ANGPT4: variants seen among roughly 807,000 people sequenced by gnomAD.
ANGPT4 encodes angiopoietin 4, also known as angiopoietin-4.
In ANGPT4, 50 loss-of-function variants were observed where a neutral mutation model predicts 53.0. The observed-to-expected ratio is 0.94, with a 90% CI of 0.75 to 1.20. ANGPT4 has a LOEUF of 1.20. ANGPT4 is among the 50% of genes most tolerant of loss of function. The probability of loss-of-function intolerance (pLI) is 0.00; values close to 1 mark genes in which losing one functional copy is unlikely to be tolerated. For synonymous variants in ANGPT4, 251 were observed against 259.7 expected (o/e 0.97, Z 0.32); for missense variants, 648 against 637.1 (o/e 1.02, Z -0.18).
intron 7 of ANGPT4, among the ~76,000 whole-genome samples, chr20:875,046 T>C (rs144616016): frequency 0.016 from 2,453 of 152,104 alleles, 43 homozygotes; most frequent in African/African-American, 0.04. Flanking sequence ...CTTTTTTTTC[T>C]ATTCTTTGCA....
chr20:902,133 G>A (rs530000196), intron 1 of ANGPT4, among the ~76,000 whole-genome samples: 5 of 152,136 alleles, frequency 3.3e-5, no homozygotes, highest in South Asian at 4.2e-4. Flanking sequence ...TCAGGGGAGG[G>A]GGTTTCAATA....
rs569911339 is a variant in ANGPT4, at chr20:914,561, G to A, written c.309+1345C>T. On this transcript the variant is annotated intron_variant, in intron 1 of 8. Transcript: ENST00000381922. The surrounding 1 kb of genome is among the most constrained non-coding windows in gnomAD (Gnocchi z 5.0). ...GGGCCGAGTGTTAGCAGGGAGCCAG[G>A]GGGGCAGCCAGGACAGCTATCCTGC... Among the ~76,000 whole-genome samples the A allele has an allele frequency of 6.6e-6, 1 of 152,050 alleles. No homozygotes were observed. The highest frequency in any genetic ancestry group is 2.4e-5 in the African/African-American group (1 of 41,364).
At position 891,869 on chromosome 20, in the gene ANGPT4, C is replaced by T. The variant is rs111406790; in HGVS notation, c.310-1501G>A. On this transcript the variant is annotated intron_variant, in intron 1 of 8. Coordinates refer to ENST00000381922, the MANE Select transcript of ANGPT4 (RefSeq NM_015985.4). ...TGTGTTTCTCCAAGTGTGGTTCTTC[C>T]GTCAGCATCAGCTGAGCTCATTAAA... Among the ~76,000 whole-genome samples the T allele has an allele frequency of 3.9e-3, 599 of 152,248 alleles. 5 individuals carry two copies. The highest frequency in any genetic ancestry group is 0.014 in the African/African-American group (561 of 41,546).
intron 7 of ANGPT4, among the ~76,000 whole-genome samples, chr20:875,475 T>G (rs1981128829): frequency 6.6e-6 from 1 of 152,176 alleles, no homozygotes; most frequent in South Asian, 2.1e-4. Flanking sequence ...TGCCTGGTGA[T>G]GAAGACCATG....
At chr20:879,919 A>T in intron 5 of ANGPT4, 71 bp from the exon 6 acceptor site, 1 of 1,180,348 alleles carries the variant, frequency 8.5e-7, no homozygotes. Context: ...TGCTAGCCCA[A>T]ATGTGGCTAA....
chr20:907,517 G>A, intron 1 of ANGPT4, among the ~76,000 whole-genome samples: 1 of 152,198 alleles, frequency 6.6e-6, no homozygotes, highest in East Asian at 1.9e-4. Flanking sequence ...ACAGAATGGA[G>A]AGGTGTGTCC....
intron 8 of ANGPT4, 146 bp downstream of exon 8, chr20:874,138 C>T: frequency 8.2e-7 from 1 of 1,224,086 alleles, no homozygotes; most frequent in East Asian, 2.5e-5. Flanking sequence ...AGGGGCACAG[C>T]CAGGTGAGCT....
At chr20:881,524 T>C (rs6118055) in intron 4 of ANGPT4, among the ~76,000 whole-genome samples, 40,675 of 151,908 alleles carry the variant, frequency 0.27, 7,191 homozygotes, top group African/African-American at 0.5. Context: ...AAACAGCATA[T>C]GCAAAGGCCC....
rs768522211 is a variant in ANGPT4, at chr20:881,342, G to A, written c.836-56C>T. On this transcript the variant is annotated intron_variant, in intron 4 of 8. Coordinates refer to ENST00000381922, the MANE Select transcript of ANGPT4 (RefSeq NM_015985.4). ...AGGTGGGCAAGGAAAGAGAGAAGGG[G>A]CCAAGTGGGCATGCCTGCCTGCTTT... The A allele has an allele frequency of 1.0e-4, 155 of 1,507,112 alleles. 2 individuals are homozygous for A. Among genetic ancestry groups the A allele is most frequent in the Middle Eastern group, 1.0e-3 (6 of 5,906 alleles). 93.4% of individuals were successfully genotyped at this position (1,507,112 alleles called of 1,614,324 possible). A position where few individuals can be genotyped will look rare whatever the true frequency, so the allele number is the denominator to read the frequency against.
intron 1 of ANGPT4, among the ~76,000 whole-genome samples, chr20:915,299 C>T (rs1341499617): frequency 6.6e-6 from 1 of 151,766 alleles, no homozygotes; most frequent in East Asian, 2.0e-4. Context: ...CTCTCCTCTG[C>T]TCCAGCTACA....
At chr20:910,949 C>G (rs542795958) in intron 1 of ANGPT4, among the ~76,000 whole-genome samples, 1 of 152,234 alleles carries the variant, frequency 6.6e-6, no homozygotes, top group African/African-American at 2.4e-5. Flanking sequence ...GCTGTTTCCC[C>G]CATCCCCCAG....
chr20:875,270 A>C (rs1981120378), intron 7 of ANGPT4, among the ~76,000 whole-genome samples: 1 of 152,110 alleles, frequency 6.6e-6, no homozygotes, highest in African/African-American at 2.4e-5. Context: ...GCTGATGATG[A>C]TCTGGCAACC....
chr20:878,412 A>G (rs1263733651), intron 6 of ANGPT4, 85 bp from the exon 7 acceptor site: 3 of 1,360,144 alleles, frequency 2.2e-6, no homozygotes, highest in African/African-American at 2.9e-5. Context: ...GCCAGGCTCC[A>G]GGGCTACTTA....
intron 1 of ANGPT4, among the ~76,000 whole-genome samples, chr20:900,567 G>A (rs759660199): frequency 5.9e-5 from 9 of 152,140 alleles, no homozygotes; most frequent in Non-Finnish European, 1.0e-4. Context: ...AAATGAGACC[G>A]AAGAGTTCCC....
At chr20:887,385 A>G (rs979913626) in intron 3 of ANGPT4, among the ~76,000 whole-genome samples, 3 of 152,220 alleles carry the variant, frequency 2.0e-5, no homozygotes, top group African/African-American at 7.2e-5. Context: ...TGGGAGAATA[A>G]GAAGATGGGC....
At chr20:902,561 G>A (rs1453837220) in intron 1 of ANGPT4, among the ~76,000 whole-genome samples, 1 of 152,108 alleles carries the variant, frequency 6.6e-6, no homozygotes, top group Admixed American at 6.5e-5. Flanking sequence ...GAAGGTACTT[G>A]ACCCACCACT....
rs1981254128 is a variant in ANGPT4, at chr20:878,306, C to T, written c.1075G>A (p.Glu359Lys). Residue 359 changes from glutamate to lysine, a missense_variant, in exon 7 of 9, where the codon GAG becomes AAG. Coordinates refer to ENST00000381922, the MANE Select transcript of ANGPT4 (RefSeq NM_015985.4). ...YKQGFGDPAG[E>K]HWLGNEVVHQ... ...ACCACTTCATTGCCCAGCCAGTGCTCCCCAGCTGGGTCTCCGAAGCCCTAT... is the reference window on the plus strand; with the variant it reads ...ACCACTTCATTGCCCAGCCAGTGCTTCCCAGCTGGGTCTCCGAAGCCCTAT... 4.4e-6 allele frequency: 7 copies of T among 1,606,962 alleles called. No homozygotes were observed. Among genetic ancestry groups the T allele is most frequent in the Non-Finnish European group, 5.1e-6 (6 of 1,174,196 alleles).
chr20:890,256 T>G lies in ANGPT4; in HGVS notation c.422A>C (p.Gln141Pro). 2 of 1,614,024 alleles carry G rather than the reference T, an allele frequency of 1.2e-6. No individual in the cohort carries two copies. The highest frequency in any genetic ancestry group is 1.7e-6 in the Non-Finnish European group (2 of 1,179,984). Residue 141 changes from glutamine (Q) to proline (P), a missense_variant, in exon 2 of 9, where the codon CAG becomes CCG. By Grantham distance (76) the Gln-to-Pro change is moderately conservative. Coordinates refer to ENST00000381922, the MANE Select transcript of ANGPT4 (RefSeq NM_015985.4). Reference protein sequence around the residue: ...MLELGTSLLNQTTAQIRKLTD... With the variant: ...MLELGTSLLNPTTAQIRKLTD... ...CAGCTTGCGGATCTGGGCAGTGGTC[T>G]GGTTCAGGAGGCTGGTGCCCAGCTC...
intron 3 of ANGPT4, 103 bp downstream of exon 3, chr20:888,215 C>T: frequency 6.9e-7 from 1 of 1,459,602 alleles, no homozygotes; most frequent in Non-Finnish European, 9.1e-7. Flanking sequence ...CCGGTCCTGG[C>T]TCCAGCCCCA....
Sources: allele counts gnomAD v4.1 joint callset (sites outside exome capture counted in the v4.1 genomes callset), GRCh38; gene constraint gnomAD v4.1.1; non-coding constraint Gnocchi (gnomAD v3.1); transcripts MANE v1.5; gene names NCBI Gene and HGNC (gene_info 2026-07-23, HGNC 2026-07-21).